Variants in UVRAG observed in about 807,000 individuals in gnomAD.
UVRAG encodes UV radiation resistance associated.
A neutral mutation model predicts 78.0 loss-of-function variants in UVRAG; 19 were observed. That is an observed-to-expected ratio of 0.24 (90% confidence interval 0.17 to 0.36). The LOEUF is 0.36. UVRAG is among the 10% of genes least tolerant of loss of function. The pLI is 1.00. For missense variants in UVRAG, 740 were observed against 853.8 expected (o/e 0.87, Z 1.66); for synonymous variants, 323 against 324.6 (o/e 1.00, Z 0.05).
chr11:75,941,528 A>C (rs139688185), intron 6 of UVRAG, among the ~76,000 whole-genome samples: 67 of 152,114 alleles, frequency 4.4e-4, no homozygotes, highest in African/African-American at 1.5e-3. Context: ...TGAAATCCCA[A>C]ATGCTCCAGT....
At chr11:76,119,775 G>A (rs1010193945) in intron 14 of UVRAG, among the ~76,000 whole-genome samples, 1 of 152,192 alleles carries the variant, frequency 6.6e-6, no homozygotes, top group Non-Finnish European at 1.5e-5. Flanking sequence ...CTGCACCAGT[G>A]CAATTTGTCT....
Position 75,880,857 on chromosome 11 carries a change from T to C in UVRAG, c.432+817T>C, listed in dbSNP as rs140101940. Among the ~76,000 whole-genome samples, 809 of 151,526 alleles carry C rather than the reference T, an allele frequency of 5.3e-3. 13 individuals carry two copies. Among genetic ancestry groups the C allele is most frequent in the African/African-American group, 0.019 (778 of 41,418 alleles). On this transcript the variant is annotated intron_variant, in intron 4 of 14. Transcript: ENST00000356136. ...GGTGTGAGCCACTGTGCCTGGCCTC[T>C]ACAGTTCTCTTTTAACTGGGCTCAA...
At chr11:76,087,946 C>G (rs1047658332) in intron 13 of UVRAG, among the ~76,000 whole-genome samples, 24 of 152,334 alleles carry the variant, frequency 1.6e-4, no homozygotes, top group African/African-American at 5.5e-4. Context: ...GCAATCACAG[C>G]TCACTGCAGC....
At chr11:76,092,014 G>A (rs1951708613) in intron 13 of UVRAG, among the ~76,000 whole-genome samples, 1 of 151,614 alleles carries the variant, frequency 6.6e-6, no homozygotes, top group Non-Finnish European at 1.5e-5. Flanking sequence ...GCCCCGGCGT[G>A]TGATATTCCC....
chr11:76,112,123 C>T (rs1268658802), intron 13 of UVRAG, among the ~76,000 whole-genome samples: 1 of 151,846 alleles, frequency 6.6e-6, no homozygotes, highest in Non-Finnish European at 1.5e-5. Context: ...AATGAAAGAC[C>T]GAAATGAAGG....
At chr11:75,882,164 A>G (rs534508227) in intron 4 of UVRAG, among the ~76,000 whole-genome samples, 5 of 152,312 alleles carry the variant, frequency 3.3e-5, no homozygotes, top group African/African-American at 7.2e-5. Flanking sequence ...ATACTTTCTG[A>G]GATGTTTCTT....
At chr11:75,951,029 C>G (rs1948685123) in intron 6 of UVRAG, among the ~76,000 whole-genome samples, 1 of 150,718 alleles carries the variant, frequency 6.6e-6, no homozygotes, top group East Asian at 2.0e-4. Context: ...TTTTCTCAGT[C>G]ATGACTTGAT....
At position 76,082,051 on chromosome 11, in the gene UVRAG, GACTA is replaced by G. The variant is rs1320974292; in HGVS notation, c.1305+16268_1305+16271del. Among the ~76,000 whole-genome samples, 13 of 152,188 alleles carry G rather than the reference GACTA, an allele frequency of 8.5e-5. No individual in the cohort carries two copies. In the East Asian group the frequency reaches 2.1e-3, roughly 25 times the overall value. On this transcript the variant is annotated intron_variant, in intron 13 of 14. Transcript: ENST00000356136. ...AACTATACAAAAAAACAAGGGTAGT[GACTA>G]ACTACCTCTGGAAGTGAGAAGGGGT...
At chr11:76,044,698 T>C (rs1404079285) in intron 12 of UVRAG, among the ~76,000 whole-genome samples, 1 of 152,000 alleles carries the variant, frequency 6.6e-6, no homozygotes, top group Non-Finnish European at 1.5e-5. Context: ...TGCTTGAACC[T>C]GGGAGACGGA....
chr11:76,118,720 T>C (rs553840338), intron 14 of UVRAG, among the ~76,000 whole-genome samples: 5 of 152,344 alleles, frequency 3.3e-5, no homozygotes, highest in South Asian at 2.1e-4. Flanking sequence ...TTGGCTAATA[T>C]TTTAGAATGT....
chr11:76,108,246 C>T (rs538719302), intron 13 of UVRAG, among the ~76,000 whole-genome samples: 17 of 152,194 alleles, frequency 1.1e-4, no homozygotes, highest in African/African-American at 4.1e-4. Flanking sequence ...CGAAATGACA[C>T]AATGATTCCT....
intron 13 of UVRAG, among the ~76,000 whole-genome samples, chr11:76,088,492 G>A (rs914604145): frequency 4.2e-5 from 1 of 23,566 alleles, no homozygotes; most frequent in African/African-American, 1.6e-4. Flanking sequence ...CCGCCCACCC[G>A]CGCCCCCTCC....
At chr11:75,885,780 G>A (rs1346554009) in intron 4 of UVRAG, among the ~76,000 whole-genome samples, 1 of 152,104 alleles carries the variant, frequency 6.6e-6, no homozygotes, top group African/African-American at 2.4e-5. Context: ...ACAGTAGTGT[G>A]CAATATGATA....
intron 6 of UVRAG, among the ~76,000 whole-genome samples, chr11:75,932,838 T>C (rs1948273376): frequency 6.6e-6 from 1 of 152,158 alleles, no homozygotes; most frequent in South Asian, 2.1e-4. Flanking sequence ...AAGACATTAA[T>C]ACAAGAAATT....
chr11:75,933,306 TG>T (rs199624069), intron 6 of UVRAG, among the ~76,000 whole-genome samples: 2,345 of 152,240 alleles, frequency 0.015, 75 homozygotes, highest in African/African-American at 0.053. Flanking sequence ...GATATCCAAA[TG>T]CAGAAGAAGG....
At chr11:76,054,311 C>T (rs952974768) in intron 12 of UVRAG, among the ~76,000 whole-genome samples, 5 of 152,202 alleles carry the variant, frequency 3.3e-5, no homozygotes, top group Non-Finnish European at 7.4e-5. Flanking sequence ...AACCACTTCT[C>T]ACCACCTCCA....
At chr11:75,964,372 A>T (rs953702551) in intron 7 of UVRAG, among the ~76,000 whole-genome samples, 1 of 152,086 alleles carries the variant, frequency 6.6e-6, no homozygotes, top group Non-Finnish European at 1.5e-5. Flanking sequence ...CTGGGCCTGG[A>T]GGTTTTTTTG....
chr11:76,078,342 A>G (rs1951437132), intron 13 of UVRAG, among the ~76,000 whole-genome samples: 1 of 152,158 alleles, frequency 6.6e-6, no homozygotes, highest in South Asian at 2.1e-4. Flanking sequence ...ATCTTTTTGA[A>G]AGAGAGACTA....
At chr11:75,883,750 C>T (rs887015603) in intron 4 of UVRAG, among the ~76,000 whole-genome samples, 1 of 152,124 alleles carries the variant, frequency 6.6e-6, no homozygotes, top group African/African-American at 2.4e-5. Flanking sequence ...TGTATAGAAT[C>T]AGGGAGGAAT....
Sources: allele counts gnomAD v4.1 joint callset (sites outside exome capture counted in the v4.1 genomes callset), GRCh38; gene constraint gnomAD v4.1.1; transcripts MANE v1.5; gene names NCBI Gene and HGNC (gene_info 2026-07-23, HGNC 2026-07-21).